SGCD: variants seen among roughly 807,000 people sequenced by gnomAD.
SGCD encodes sarcoglycan delta, also known as delta-sarcoglycan.
SGCD carries 18 observed loss-of-function variants against 36.6 expected under a neutral mutation model. The ratio of observed to expected loss-of-function variants is 0.49; its 90% CI spans 0.34 to 0.73. SGCD has a LOEUF of 0.73. SGCD is among the 30% of genes least tolerant of loss of function. SGCD has a pLI of 0.01. For synonymous variants in SGCD, 133 were observed against 130.6 expected (o/e 1.02, Z -0.12); for missense variants, 387 against 346.7 (o/e 1.12, Z -0.92).
At chr5:155,743,578 A>C in the SGCD span, among the ~76,000 whole-genome samples, 2 of 152,240 alleles carry the variant, frequency 1.3e-5, no homozygotes, top group Non-Finnish European at 2.9e-5. Context: ...AATAAATTAA[A>C]AACAAATATT....
chr5:156,497,843 A>T (rs1756265125), intron 3 of SGCD, among the ~76,000 whole-genome samples: 1 of 152,194 alleles, frequency 6.6e-6, no homozygotes, highest in Admixed American at 6.6e-5. Flanking sequence ...TGATGGGGTC[A>T]TCTGGTCCTT....
rs180914035 is a variant in SGCD, at chr5:156,305,352, T to A, written c.-43-24182T>A. ...CAGCCATGGCTGAAAGGGGCCAACATAGAGCTTGGGCCATGCTTTCAGAGG... is the reference window on the plus strand; with the variant it reads ...CAGCCATGGCTGAAAGGGGCCAACAAAGAGCTTGGGCCATGCTTTCAGAGG... On this transcript the variant is annotated intron_variant, in intron 3 of 9. Transcript: ENST00000517913. Among the ~76,000 whole-genome samples, 14 of 152,270 alleles carry A rather than the reference T, an allele frequency of 9.2e-5. No individual in the cohort carries two copies. In the East Asian group the frequency reaches 2.7e-3, roughly 29 times the overall value.
chr5:156,283,370 G>C (rs1043610517), intron 3 of SGCD, among the ~76,000 whole-genome samples: 1 of 152,154 alleles, frequency 6.6e-6, no homozygotes, highest in Non-Finnish European at 1.5e-5. Flanking sequence ...TACCCAGAAT[G>C]ATAACACTGA....
intron 7 of SGCD, among the ~76,000 whole-genome samples, chr5:156,705,968 A>C (rs988515450): frequency 5.8e-4 from 89 of 152,292 alleles, no homozygotes; most frequent in African/African-American, 2.1e-3. Flanking sequence ...TCAATCAACC[A>C]CCTGGTATAA....
chr5:156,385,517 C>T (rs1429618817), intron 3 of SGCD, among the ~76,000 whole-genome samples: 1 of 152,210 alleles, frequency 6.6e-6, no homozygotes, highest in Non-Finnish European at 1.5e-5. Context: ...CAACAATCCT[C>T]ACTGGTATTT....
At chr5:156,162,616 C>T (rs867644022) in intron 3 of SGCD, among the ~76,000 whole-genome samples, 1 of 151,572 alleles carries the variant, frequency 6.6e-6, no homozygotes, top group African/African-American at 2.4e-5. Flanking sequence ...GTGCATTGTA[C>T]TCATCACCAT....
intron 3 of SGCD, among the ~76,000 whole-genome samples, chr5:156,186,748 G>C (rs1835917): frequency 0.31 from 47,629 of 151,854 alleles, 8,227 homozygotes; most frequent in East Asian, 0.59. Flanking sequence ...TTGTTTTAAG[G>C]CTCCCTTTTC....
chr5:156,577,455 A>G (rs2113317075), intron 4 of SGCD, among the ~76,000 whole-genome samples: 1 of 152,318 alleles, frequency 6.6e-6, no homozygotes, highest in Admixed American at 6.5e-5. Context: ...CTGTGAAGAA[A>G]GTCATTGGTA....
chr5:155,921,511 G>A (rs1354184206), intron 1 of SGCD, among the ~76,000 whole-genome samples: 2 of 152,002 alleles, frequency 1.3e-5, no homozygotes, highest in Non-Finnish European at 2.9e-5. Context: ...CAGTAGAGGG[G>A]TAGTGGGCTG....
chr5:156,759,449 T>A lies in SGCD; in HGVS notation c.*59T>A. On this transcript the variant is annotated 3_prime_UTR_variant, in exon 9 of 9. Coordinates refer to ENST00000337851, the MANE Select transcript of SGCD (RefSeq NM_000337.6). ...AAAGGCCTTTTTTGGCTTTAGACAC[T>A]GGCTGCCAGCTATTTTTACTAGAAC... is the stretch of plus-strand genomic sequence containing the variant. 2 of 1,214,256 alleles carry A rather than the reference T, an allele frequency of 1.6e-6. No individual in the cohort carries two copies. Among genetic ancestry groups the A allele is most frequent in the Non-Finnish European group, 2.3e-6 (2 of 862,118 alleles). 75.2% of individuals were successfully genotyped at this position (1,214,256 alleles called of 1,614,324 possible).
chr5:156,004,282 C>A (rs958433320), intron 1 of SGCD, among the ~76,000 whole-genome samples: 2 of 151,900 alleles, frequency 1.3e-5, no homozygotes, highest in African/African-American at 4.8e-5. Context: ...CAAAATGTAC[C>A]CAACATTTGT....
At chr5:156,089,557 C>T (rs564494445) in intron 1 of SGCD, among the ~76,000 whole-genome samples, 16 of 152,262 alleles carry the variant, frequency 1.1e-4, no homozygotes, top group African/African-American at 2.2e-4. Context: ...AGATATGCCT[C>T]GACCCATCCC....
intron 1 of SGCD, among the ~76,000 whole-genome samples, chr5:156,045,225 C>A (rs1015461252): frequency 7.9e-5 from 12 of 152,292 alleles, no homozygotes; most frequent in Admixed American, 7.2e-4. Flanking sequence ...AATACCATCA[C>A]AACAGCAATG....
At chr5:156,397,695 GAC>G (rs1170232182) in intron 3 of SGCD, among the ~76,000 whole-genome samples, 1 of 152,170 alleles carries the variant, frequency 6.6e-6, no homozygotes, top group Non-Finnish European at 1.5e-5. Context: ...TCTATGGAGA[GAC>G]AAGTCTTAAA....
intron 1 of SGCD, among the ~76,000 whole-genome samples, chr5:155,900,568 T>G (rs1288324254): frequency 1.0e-5 from 1 of 99,256 alleles, no homozygotes; most frequent in Non-Finnish European, 2.0e-5. Context: ...ATGCTATCCC[T>G]CCCCCCTCCC....
the SGCD span, among the ~76,000 whole-genome samples, chr5:155,855,218 C>T: frequency 6.6e-6 from 1 of 152,130 alleles, no homozygotes; most frequent in African/African-American, 2.4e-5. Flanking sequence ...GCACCCCCCT[C>T]GGCAACTCTA....
chr5:156,529,991 G>T (rs557334114), intron 4 of SGCD, among the ~76,000 whole-genome samples: 4 of 152,294 alleles, frequency 2.6e-5, no homozygotes, highest in South Asian at 2.1e-4. Flanking sequence ...TGCACTTGTT[G>T]CATATTGGAG....
intron 1 of SGCD, among the ~76,000 whole-genome samples, chr5:155,875,797 C>T (rs1755755255): frequency 6.6e-6 from 1 of 152,016 alleles, no homozygotes; most frequent in Non-Finnish European, 1.5e-5. Context: ...ATACCCACTG[C>T]TGTGAGCAAT....
At chr5:156,291,452 T>C (rs187523438) in intron 3 of SGCD, among the ~76,000 whole-genome samples, 6 of 152,242 alleles carry the variant, frequency 3.9e-5, no homozygotes, top group South Asian at 2.1e-4. Flanking sequence ...TAAAATGTCA[T>C]TTACAAAAAC....
Sources: allele counts gnomAD v4.1 joint callset (sites outside exome capture counted in the v4.1 genomes callset), GRCh38; gene constraint gnomAD v4.1.1; transcripts MANE v1.5; gene names NCBI Gene and HGNC (gene_info 2026-07-23, HGNC 2026-07-21).